RREB1: variants seen among roughly 807,000 people sequenced by gnomAD.
RREB1 encodes the protein ras-responsive element-binding protein 1.
A neutral mutation model predicts 117.8 loss-of-function variants in RREB1; 27 were observed. That is an observed-to-expected ratio of 0.23 (90% CI 0.17 to 0.32). The LOEUF is 0.32. Ranked by LOEUF, RREB1 falls within the 10% of genes least tolerant of loss-of-function variation. RREB1 has a pLI of 1.00. For synonymous variants in RREB1, 1,298 were observed against 1,026.7 expected (o/e 1.26, Z -5.05); for missense variants, 2,577 against 2,378.2 (o/e 1.08, Z -1.74).
chr6:7,247,263 C>G (rs779252540), intron 12 of RREB1, 42 bp downstream of exon 12: 1 of 1,559,136 alleles, frequency 6.4e-7, no homozygotes, highest in Non-Finnish European at 8.7e-7. Flanking sequence ...CAAGAGGAGG[C>G]GAGCCGGGCA....
In RREB1 at chr6:7,248,887, G is replaced by C; in HGVS notation, c.5148G>C (p.Leu1716=). ...PESPAALGQD[L]LEPRSKRPAH... ...GCCCGGCGGCCCTGGGGCAGGACCT[G>C]CTGGAGCCGCGCAGCAAGAGGCCTG... The change falls in exon 13 of 13, where the codon CTG becomes CTC. Residue 1716 remains leucine, a synonymous_variant. Transcript: ENST00000379938. The C allele has an allele frequency of 6.3e-7, 1 of 1,578,782 alleles. No individual in the cohort carries two copies. The highest frequency in any genetic ancestry group is 8.6e-7 in the Non-Finnish European group (1 of 1,163,700).
chr6:7,193,746 A>T (rs1765529884), intron 6 of RREB1, among the ~76,000 whole-genome samples: 1 of 152,226 alleles, frequency 6.6e-6, no homozygotes, highest in South Asian at 2.1e-4. Context: ...ATTGTATGCA[A>T]TATTTTTGAT....
intron 3 of RREB1, chr6:7,181,599 A>G: frequency 1.8e-6 from 1 of 568,506 alleles, no homozygotes; most frequent in Non-Finnish European, 3.1e-6. Flanking sequence ...CAGATTAGGA[A>G]AGGTAGAGAA....
chr6:7,230,590 C>A lies in RREB1; in HGVS notation c.2491C>A (p.Leu831Met). 1 of 1,604,198 alleles carries A rather than the reference C, an allele frequency of 6.2e-7. No individual in the cohort carries two copies. Among genetic ancestry groups the A allele is most frequent in the Non-Finnish European group, 8.5e-7 (1 of 1,176,030 alleles). The change falls in exon 10 of 13, where the codon CTG becomes ATG. Residue 831 changes from leucine (L) to methionine (M), a missense_variant. Leu to Met is a conservative substitution (Grantham distance 15). Coordinates refer to ENST00000379938, the MANE Select transcript of RREB1 (RefSeq NM_001003699.4). ...IESYVLAADG[L>M]GPAEAPAAEA... ...GAGCTACGTGCTGGCCGCCGACGGC[C>A]TGGGCCCCGCAGAGGCGCCGGCCGC...
At chr6:7,119,117 G>A (rs1761548520) in intron 1 of RREB1, among the ~76,000 whole-genome samples, 1 of 152,022 alleles carries the variant, frequency 6.6e-6, no homozygotes, top group Admixed American at 6.6e-5. Flanking sequence ...TGGCAGGCGT[G>A]GTGGTTCACG....
In RREB1 at chr6:7,246,938, G is replaced by A. The variant is rs1389129644; in HGVS notation, c.4488G>A (p.Gln1496=). The A allele has an allele frequency of 2.6e-6, 4 of 1,558,304 alleles. No individual in the cohort carries two copies. The highest frequency in any genetic ancestry group is 2.4e-5 in the South Asian group (2 of 84,996). The change falls in exon 12 of 13, where the codon CAG becomes CAA. Residue 1496 remains glutamine, a synonymous_variant. Transcript: ENST00000379938. ...AGGGGCCCCAGCCCGCCCCTGAACA[G>A]GAGGAGAAGCCCCCCGAGACCCCGG... is the stretch of plus-strand genomic sequence containing the variant. ...AEEGPQPAPE[Q]EEKPPETPAE... is the part of the protein sequence containing the mutation.
intron 6 of RREB1, among the ~76,000 whole-genome samples, chr6:7,192,961 A>G (rs181772273): frequency 7.8e-4 from 118 of 152,222 alleles, no homozygotes; most frequent in African/African-American, 2.7e-3. Context: ...GTTGTTTCCC[A>G]TAAGTTTTTG....
At position 7,229,074 on chromosome 6, in the gene RREB1, C is replaced by G. The variant is rs749202273; in HGVS notation, c.975C>G (p.Phe325Leu). Reference sequence around the variant, plus strand: ...TCTGCGACACCTGTGACAAGGCGTTCCCCATGCTCTGCTCACTGGCTCTGC... The same window carrying G: ...TCTGCGACACCTGTGACAAGGCGTTGCCCATGCTCTGCTCACTGGCTCTGC... ...RFVCDTCDKA[F>L]PMLCSLALHK... The change falls in exon 10 of 13, where the codon TTC (phenylalanine) becomes TTG (leucine). Residue 325 changes from phenylalanine (F) to leucine (L), a missense_variant. Phe to Leu is a conservative substitution (Grantham distance 22, BLOSUM62 0). Coordinates refer to ENST00000379938, the MANE Select transcript of RREB1 (RefSeq NM_001003699.4). This position sits in a 1 kb window ranked among gnomAD's most constrained non-coding sequence, Gnocchi z 4.5. 13 of 1,575,900 alleles carry G rather than the reference C, an allele frequency of 8.2e-6. No homozygotes were observed. Among genetic ancestry groups the G allele is most frequent in the Admixed American group, 1.8e-5 (1 of 55,436 alleles).
chr6:7,168,875 C>T (rs1186090645), intron 1 of RREB1, among the ~76,000 whole-genome samples: 1 of 151,576 alleles, frequency 6.6e-6, no homozygotes, highest in Non-Finnish European at 1.5e-5. Flanking sequence ...CCTGGCTCCG[C>T]CCTTTAAGAG....
chr6:7,247,373 A>T (rs1769151207), intron 12 of RREB1, 152 bp downstream of exon 12: 3 of 694,432 alleles, frequency 4.3e-6, no homozygotes, highest in Admixed American at 3.0e-5. Context: ...TAGGAGTTTT[A>T]AGGAGTTGTA....
chr6:7,229,383 C>G lies in RREB1; in HGVS notation c.1284C>G (p.Pro428=), dbSNP rs1039941599. The G allele has an allele frequency of 6.2e-7, 1 of 1,614,016 alleles. No individual in the cohort carries two copies. Among genetic ancestry groups the G allele is most frequent in the Non-Finnish European group, 8.5e-7 (1 of 1,179,984 alleles). ...ASLGGSLTVL[P]ATKDSIKHLS... is the part of the protein sequence containing the mutation. ...TAGGCGGTTCTCTCACAGTTCTCCC[C>G]GCGACCAAGGACAGCATAAAGCACC... Residue 428 remains proline (P), a synonymous_variant, in exon 10 of 13, where the codon CCC becomes CCG. Coordinates refer to ENST00000379938, the MANE Select transcript of RREB1 (RefSeq NM_001003699.4). This position sits in a 1 kb window ranked among gnomAD's most constrained non-coding sequence, Gnocchi z 4.5.
intron 8 of RREB1, among the ~76,000 whole-genome samples, chr6:7,221,404 C>T (rs1461198234): frequency 6.6e-6 from 1 of 152,036 alleles, no homozygotes; most frequent in Admixed American, 6.6e-5. Flanking sequence ...GATCTCCTGA[C>T]CTCATGATCC....
rs1768642416 is a variant in RREB1, at chr6:7,240,559, C to T, written c.3930C>T (p.Ile1310=). Residue 1310 remains isoleucine (I), a synonymous_variant, in exon 11 of 13, where the codon ATC becomes ATT. Coordinates refer to ENST00000379938, the MANE Select transcript of RREB1 (RefSeq NM_001003699.4). ...GTTCCCTGAGAAGAAACGGGCTTAT[C>T]CCCCAGTCAAAAGAGAGTGATGTTG... is the stretch of plus-strand genomic sequence containing the variant. ...TTCSLRRNGL[I]PQSKESDVGS... is the part of the protein sequence containing the mutation. 6 of 1,613,738 alleles carry T rather than the reference C, an allele frequency of 3.7e-6. No individual in the cohort carries two copies. Among genetic ancestry groups the T allele is most frequent in the Non-Finnish European group, 4.2e-6 (5 of 1,179,790 alleles).
At chr6:7,112,892 A>G (rs1761212979) in intron 1 of RREB1, among the ~76,000 whole-genome samples, 2 of 152,070 alleles carry the variant, frequency 1.3e-5, no homozygotes, top group South Asian at 4.1e-4. Context: ...TGGGGATTGC[A>G]CTCTGCCGTT....
chr6:7,155,025 G>A (rs1261122981), intron 1 of RREB1, among the ~76,000 whole-genome samples: 2 of 152,140 alleles, frequency 1.3e-5, no homozygotes, highest in Admixed American at 1.3e-4. Flanking sequence ...TAAATAGAAC[G>A]GGGTTGTTAG....
intron 8 of RREB1, chr6:7,212,576 G>T (rs547471732): frequency 6.6e-6 from 1 of 152,296 alleles, no homozygotes; most frequent in Admixed American, 6.5e-5. Context: ...CCCTGTTGTC[G>T]TTGAGAGACT....
rs1013972205 is a variant in RREB1 at position 7,246,740 on chromosome 6, GGAGGGCGACGGCGAGGCAGGCGCC to G, written c.4292_4315del (p.Glu1431_Ala1438del). 8.9e-6 allele frequency: 14 copies of G among 1,574,960 alleles called. No homozygotes were observed. In the African/African-American group the frequency reaches 1.1e-4, roughly 12 times the overall value. On this transcript the variant is annotated inframe_deletion, in exon 12 of 13. Transcript: ENST00000379938. The stretch of plus-strand genomic sequence containing the variant: ...CCAAGCTCATGGACTTCAAGCTGGC[GGAGGGCGACGGCGAGGCAGGCGCC>G]GGGGGCGCGGCCTCGCAGGAGCAGA...
chr6:7,141,101 C>G (rs536647882), intron 1 of RREB1, among the ~76,000 whole-genome samples: 1 of 152,214 alleles, frequency 6.6e-6, no homozygotes, highest in Non-Finnish European at 1.5e-5. Context: ...GCCGACTGCC[C>G]GCGTCAGGGC....
At chr6:7,219,965 G>C (rs1254868001) in intron 8 of RREB1, among the ~76,000 whole-genome samples, 4 of 152,190 alleles carry the variant, frequency 2.6e-5, no homozygotes, top group African/African-American at 9.7e-5. Context: ...GATAAGTGCA[G>C]GCAGCTGCTT....
Sources: allele counts gnomAD v4.1 joint callset (sites outside exome capture counted in the v4.1 genomes callset), GRCh38; gene constraint gnomAD v4.1.1; non-coding constraint Gnocchi (gnomAD v3.1); transcripts MANE v1.5; gene names NCBI Gene and HGNC (gene_info 2026-07-23, HGNC 2026-07-21).